ERICH5: variants seen among roughly 807,000 people sequenced by gnomAD.
ERICH5 encodes the protein glutamate-rich protein 5.
ERICH5 carries 24 observed loss-of-function variants against 28.0 expected under a neutral mutation model. The ratio of observed to expected loss-of-function variants is 0.86; its 90% CI spans 0.62 to 1.21. The LOEUF is 1.21. Among genes scored for constraint, ERICH5 ranks in the 50% most tolerant of loss-of-function variants. ERICH5 has a pLI of 0.00. For missense variants in ERICH5, 421 were observed against 441.2 expected, an observed-to-expected ratio of 0.95 and a Z score of 0.41; for synonymous variants, 163 against 157.6, an observed-to-expected ratio of 1.03 and a Z score of -0.25.
intron 1 of ERICH5, among the ~76,000 whole-genome samples, chr8:98,085,388 A>C (rs2514338): frequency 0.98 from 149,399 of 151,892 alleles, 73,533 homozygotes; most frequent in Non-Finnish European, 1. Flanking sequence ...TGGTCTCGAT[A>C]TCCTGACCTC....
chr8:98,089,089 G>A lies in ERICH5; in HGVS notation c.72G>A (p.Glu24=), dbSNP rs753833119. 1.2e-6 allele frequency: 2 copies of A among 1,600,526 alleles called. No homozygotes were observed. Among genetic ancestry groups the A allele is most frequent in the African/African-American group, 2.7e-5 (2 of 74,094 alleles). The change falls in exon 2 of 3, where the codon GAG becomes GAA. Residue 24 remains glutamate, a synonymous_variant. Coordinates refer to ENST00000318528, the MANE Select transcript of ERICH5 (RefSeq NM_173549.3). ...SSRFPSVTSN[E]HFSTAEESES... ...GAATAACCAAAGTAACTTCAAATGAGCATTTTTCAACTGCAGAAGAAAGTG... is the reference window on the plus strand; with the variant it reads ...GAATAACCAAAGTAACTTCAAATGAACATTTTTCAACTGCAGAAGAAAGTG...
chr8:98,091,925 C>A (rs1158323573), intron 2 of ERICH5, among the ~76,000 whole-genome samples: 2 of 66,462 alleles, frequency 3.0e-5, no homozygotes, highest in Non-Finnish European at 6.0e-5. Context: ...TTCTTCCTTT[C>A]TTTCTTTCTT....
chr8:98,071,915 A>T (rs957715470), intron 1 of ERICH5, among the ~76,000 whole-genome samples: 1 of 146,750 alleles, frequency 6.8e-6, no homozygotes, highest in African/African-American at 2.5e-5. Context: ...GTTTTATTTT[A>T]TTTTTTTTTT....
chr8:98,068,999 A>T (rs570128661), intron 1 of ERICH5, among the ~76,000 whole-genome samples: 1 of 152,276 alleles, frequency 6.6e-6, no homozygotes, highest in Admixed American at 6.5e-5. Context: ...AATATTTCAC[A>T]CTCTGACATC....
chr8:98,082,939 C>CA (rs1815207723), intron 1 of ERICH5, among the ~76,000 whole-genome samples: 1 of 152,130 alleles, frequency 6.6e-6, no homozygotes, highest in African/African-American at 2.4e-5. Context: ...ATAGCTATGG[C>CA]AAAAATTGAC....
chr8:98,092,813 TCGC>T (rs1469483678), intron 2 of ERICH5, among the ~76,000 whole-genome samples: 1 of 151,232 alleles, frequency 6.6e-6, no homozygotes, highest in Non-Finnish European at 1.5e-5. Context: ...TCTCGTTCTG[TCGC>T]CCAGACTGGA....
At chr8:98,090,199 T>A (rs1815359462) in intron 2 of ERICH5, among the ~76,000 whole-genome samples, 170 bp downstream of exon 2, 1 of 152,122 alleles carries the variant, frequency 6.6e-6, no homozygotes, top group Non-Finnish European at 1.5e-5. Context: ...GGCATTCTAT[T>A]AATGCTCAGT....
intron 2 of ERICH5, among the ~76,000 whole-genome samples, chr8:98,091,879 TCTTTCTTTCTTTCTTTCTTTC>T (rs1815398661): frequency 1.1e-5 from 1 of 94,756 alleles, no homozygotes; most frequent in Non-Finnish European, 2.1e-5. Context: ...TTTCTTTCTT[TCTTTCTTTCTTTCTTTCTTTC>T]CTTTCTTTCT....
intron 2 of ERICH5, among the ~76,000 whole-genome samples, chr8:98,092,382 C>T (rs1262931666): frequency 6.6e-6 from 1 of 152,166 alleles, no homozygotes; most frequent in Non-Finnish European, 1.5e-5. Context: ...AGGCCGGTCT[C>T]AGACCCTAGG....
intron 1 of ERICH5, among the ~76,000 whole-genome samples, chr8:98,075,737 C>A (rs1368070903): frequency 1.4e-5 from 2 of 145,946 alleles, no homozygotes; most frequent in Non-Finnish European, 3.0e-5. Context: ...GTCTTCCATC[C>A]CAGCCACACA....
intron 1 of ERICH5, among the ~76,000 whole-genome samples, chr8:98,083,119 T>C (rs575524657): frequency 3.5e-4 from 54 of 152,290 alleles, no homozygotes; most frequent in Admixed American, 9.8e-4. Context: ...TTCTGCACAA[T>C]TTTTGCTCTA....
chr8:98,076,375 G>A (rs1815055271), intron 1 of ERICH5, among the ~76,000 whole-genome samples: 1 of 144,558 alleles, frequency 6.9e-6, no homozygotes, highest in Non-Finnish European at 1.5e-5. Flanking sequence ...AATTTCAGAA[G>A]AGAAATTAGA....
At position 98,077,861 on chromosome 8, in the gene ERICH5, T is replaced by G. The variant is rs73280039; in HGVS notation, c.59-11215T>G. 5.4e-3 allele frequency among the ~76,000 whole-genome samples: 828 copies of G among 152,298 alleles called. 4 individuals are homozygous for G. The highest frequency in any genetic ancestry group is 0.018 in the African/African-American group (737 of 41,566). Reference sequence around the variant, plus strand: ...TTGGGATTACAGGCGTGAGTCACCATGCCTAGCCTATTCTTGTTTCTCTAT... The same window carrying G: ...TTGGGATTACAGGCGTGAGTCACCAGGCCTAGCCTATTCTTGTTTCTCTAT... On this transcript the variant is annotated intron_variant, in intron 1 of 2. Coordinates refer to ENST00000318528, the MANE Select transcript of ERICH5 (RefSeq NM_173549.3).
At position 98,064,605 on chromosome 8, in the gene ERICH5, C is replaced by T. The variant is rs1814782492; in HGVS notation, c.-65C>T. On this transcript the variant is annotated 5_prime_UTR_variant, in exon 1 of 3. Coordinates refer to ENST00000318528, the MANE Select transcript of ERICH5 (RefSeq NM_173549.3). Reference sequence around the variant, plus strand: ...ACTTCCGCGGCTACGGGTGCAGTTGCCTTCGGTTCCCGGTTCCGGGCCGAC... The same window carrying T: ...ACTTCCGCGGCTACGGGTGCAGTTGTCTTCGGTTCCCGGTTCCGGGCCGAC... The T allele has an allele frequency of 2.2e-6, 3 of 1,389,700 alleles. No homozygotes were observed. Among genetic ancestry groups the T allele is most frequent in the Non-Finnish European group, 2.9e-6 (3 of 1,036,968 alleles). 86.1% of individuals were successfully genotyped at this position (1,389,700 alleles called of 1,614,324 possible).
At position 98,091,946 on chromosome 8, in the gene ERICH5, TTTC is replaced by T. The variant is rs1335686552; in HGVS notation, c.1013-1269_1013-1267del. On this transcript the variant is annotated intron_variant, in intron 2 of 2. Transcript: ENST00000318528. Reference sequence around the variant, plus strand: ...CTTTCTTTCTTTCTTCCTTTCTTTCTTTCTTCTTTCTTTCTTTTTTCTTTCTTT... The same window carrying T: ...CTTTCTTTCTTTCTTCCTTTCTTTCTTTCTTTCTTTCTTTTTTCTTTCTTT... 6.3e-3 allele frequency among the ~76,000 whole-genome samples: 169 copies of T among 27,040 alleles called. 4 individuals are homozygous for T. The highest frequency in any genetic ancestry group is 0.017 in the African/African-American group (158 of 9,156). 17.7% of individuals were successfully genotyped at this position (27,040 alleles called of 152,430 possible).
chr8:98,083,450 G>A (rs539057522), intron 1 of ERICH5, among the ~76,000 whole-genome samples: 14 of 152,182 alleles, frequency 9.2e-5, no homozygotes, highest in African/African-American at 3.4e-4. Context: ...GGAGGGGGAG[G>A]TGAAAAATAG....
Position 98,089,557 on chromosome 8 carries a change from A to G in ERICH5, c.540A>G (p.Gln180=). 1.2e-6 allele frequency: 2 copies of G among 1,614,216 alleles called. No homozygotes were observed. Among genetic ancestry groups the G allele is most frequent in the Non-Finnish European group, 1.7e-6 (2 of 1,180,038 alleles). ...LRAVEVTENP[Q]TAAEMKPLGT... ...CAGTGGAGGTCACTGAGAATCCACA[A>G]ACTGCTGCAGAGATGAAGCCTCTAG... Residue 180 remains glutamine (Q), a synonymous_variant, in exon 2 of 3, where the codon CAA becomes CAG. Transcript: ENST00000318528.
chr8:98,080,787 C>T (rs1346489058), intron 1 of ERICH5, among the ~76,000 whole-genome samples: 1 of 147,270 alleles, frequency 6.8e-6, no homozygotes, highest in Admixed American at 6.8e-5. Context: ...ACTACAACCT[C>T]TGCCTCCCAG....
At chr8:98,081,825 G>A (rs1334532748) in intron 1 of ERICH5, among the ~76,000 whole-genome samples, 2 of 152,066 alleles carry the variant, frequency 1.3e-5, no homozygotes, top group Non-Finnish European at 2.9e-5. Flanking sequence ...CTACTCAGGA[G>A]GCGGAGGCAG....
Sources: gnomAD v4.1 joint callset for allele counts (sites outside exome capture counted in the v4.1 genomes callset) on GRCh38, gnomAD v4.1.1 for gene constraint, MANE v1.5 for transcripts, NCBI Gene and HGNC (gene_info 2026-07-23, HGNC 2026-07-21) for gene names.